Variants in BIRC6 observed in about 807,000 individuals in gnomAD.
BIRC6 encodes the protein baculoviral IAP repeat containing 6.
BIRC6 carries 98 observed loss-of-function variants against 503.3 expected under a neutral mutation model. That is an observed-to-expected ratio of 0.19 (90% CI 0.17 to 0.23). The LOEUF is 0.23. Among genes scored for constraint, BIRC6 ranks in the 10% least tolerant of loss-of-function variants. The pLI is 1.00. For missense variants in BIRC6, 5,360 were observed against 5,806.0 expected (o/e 0.92, Z 2.50); for synonymous variants, 2,240 against 2,078.7 (o/e 1.08, Z -2.11).
At chr2:32,472,260 G>C (rs1037259382) in intron 32 of BIRC6, among the ~76,000 whole-genome samples, 1 of 152,116 alleles carries the variant, frequency 6.6e-6, no homozygotes, top group Non-Finnish European at 1.5e-5. Context: ...GTAGGGACGA[G>C]GTTTCACCAT....
At chr2:32,604,856 T>A (rs1309716042) in intron 71 of BIRC6, among the ~76,000 whole-genome samples, 1 of 151,050 alleles carries the variant, frequency 6.6e-6, no homozygotes, top group Non-Finnish European at 1.5e-5. Context: ...ATGCAATAGT[T>A]ATTTTTTTCT....
Position 32,545,692 on chromosome 2 carries a change from C to G in BIRC6, c.12642C>G (p.Phe4214Leu). The change falls in exon 63 of 74, where the codon TTC (phenylalanine) becomes TTG (leucine). Residue 4214 changes from phenylalanine to leucine, a missense_variant. This residue lies in a region of BIRC6 where 477 missense variants were observed against 574.4 expected (regional missense o/e 0.83). Transcript: ENST00000421745. ...PSANVLPTLP[F>L]HVLRSLFSTT... ...CCAATGTGCTTCCAACCCTTCCTTTCCACGTCCTTCGTAGCTTGTTTAGCA... is the reference window on the plus strand; with the variant it reads ...CCAATGTGCTTCCAACCCTTCCTTTGCACGTCCTTCGTAGCTTGTTTAGCA... 2 of 1,613,920 alleles carry G rather than the reference C, an allele frequency of 1.2e-6. No individual in the cohort carries two copies. The highest frequency in any genetic ancestry group is 1.7e-6 in the Non-Finnish European group (2 of 1,179,838).
At chr2:32,540,875 G>A (rs540503051) in intron 61 of BIRC6, among the ~76,000 whole-genome samples, 1 of 152,066 alleles carries the variant, frequency 6.6e-6, no homozygotes, top group South Asian at 2.1e-4. Context: ...GAAAAAAGTT[G>A]TGAAGAATTG....
chr2:32,381,893 C>T (rs2037715448), intron 3 of BIRC6, among the ~76,000 whole-genome samples: 1 of 152,012 alleles, frequency 6.6e-6, no homozygotes, highest in South Asian at 2.1e-4. Context: ...TTCTCATATC[C>T]TCAGAGATCA....
chr2:32,516,973 T>A (rs138089095), intron 55 of BIRC6, among the ~76,000 whole-genome samples: 1 of 152,148 alleles, frequency 6.6e-6, no homozygotes, highest in African/African-American at 2.4e-5. Flanking sequence ...AGTCAAACTT[T>A]AGTAGTACCT....
intron 68 of BIRC6, among the ~76,000 whole-genome samples, chr2:32,595,565 C>G (rs991254170): frequency 1.1e-4 from 17 of 152,176 alleles, no homozygotes; most frequent in African/African-American, 3.9e-4. Flanking sequence ...TAGCTTTTCC[C>G]ATTCCAAAAC....
intron 65 of BIRC6, among the ~76,000 whole-genome samples, chr2:32,561,619 TTTAGTTGTAAATTATA>T (rs1473525629): frequency 1.3e-5 from 2 of 151,858 alleles, no homozygotes; most frequent in African/African-American, 4.8e-5. Context: ...TTGATTTTTT[TTTAGTTGTAAATTATA>T]TTCAAGGTTT....
chr2:32,579,784 A>T (rs377562210), intron 66 of BIRC6, among the ~76,000 whole-genome samples: 20 of 152,268 alleles, frequency 1.3e-4, no homozygotes, highest in African/African-American at 4.6e-4. Flanking sequence ...ATTCATGATT[A>T]TAAGAAATTC....
At chr2:32,555,046 T>G (rs946642432) in intron 65 of BIRC6, among the ~76,000 whole-genome samples, 1 of 152,160 alleles carries the variant, frequency 6.6e-6, no homozygotes, top group Non-Finnish European at 1.5e-5. Context: ...ACATAATTTT[T>G]ATTATTTATA....
intron 1 of BIRC6, among the ~76,000 whole-genome samples, chr2:32,367,963 G>A (rs2035212164): frequency 6.6e-6 from 1 of 152,178 alleles, no homozygotes; most frequent in Admixed American, 6.5e-5. Flanking sequence ...TCTTCTTCAA[G>A]ATTTATTGTG....
At chr2:32,482,326 G>C (rs750900469) in intron 38 of BIRC6, 103 bp from the exon 39 acceptor site, 14 of 1,124,220 alleles carry the variant, frequency 1.2e-5, no homozygotes, top group Non-Finnish European at 1.8e-5. Context: ...AGGGTGGATA[G>C]AATATTTATT....
In BIRC6 at chr2:32,465,666, C is replaced by G. The variant is rs193011280; in HGVS notation, c.5356+502C>G. Among the ~76,000 whole-genome samples the G allele has an allele frequency of 2.9e-3, 439 of 152,228 alleles. 2 individuals carry two copies. Among genetic ancestry groups the G allele is most frequent in the African/African-American group, 0.01 (429 of 41,534 alleles). ...TTGGGATAGATGCTTTCAATCACAA[C>G]ATATTTGTGAATAAACTCTAGGCAA... On this transcript the variant is annotated intron_variant, in intron 26 of 73. Coordinates refer to ENST00000421745, the MANE Select transcript of BIRC6 (RefSeq NM_016252.4).
intron 37 of BIRC6, 62 bp downstream of exon 37, chr2:32,479,679 G>T: frequency 7.5e-7 from 1 of 1,335,510 alleles, no homozygotes; most frequent in South Asian, 1.5e-5. Flanking sequence ...TCAAAATAAA[G>T]AATGTTAGAG....
intron 3 of BIRC6, among the ~76,000 whole-genome samples, chr2:32,382,846 C>T (rs2037877774): frequency 6.6e-6 from 1 of 151,796 alleles, no homozygotes; most frequent in Admixed American, 6.6e-5. Flanking sequence ...GCCTCAGCCT[C>T]CTGAGTAGCT....
intron 9 of BIRC6, among the ~76,000 whole-genome samples, chr2:32,410,578 A>G (rs2041749780): frequency 6.6e-6 from 1 of 152,188 alleles, no homozygotes; most frequent in Non-Finnish European, 1.5e-5. Context: ...GAAATTCTAG[A>G]TATGCCAGTG....
chr2:32,395,511 C>T lies in BIRC6; in HGVS notation c.952C>T (p.Pro318Ser), dbSNP rs367862570. 6.2e-7 allele frequency: 1 copy of T among 1,602,992 alleles called. No individual in the cohort carries two copies. Among genetic ancestry groups the T allele is most frequent in the Non-Finnish European group, 8.5e-7 (1 of 1,172,350 alleles). The change falls in exon 6 of 74, where the codon CCT becomes TCT. Residue 318 changes from proline to serine, a missense_variant and splice_region_variant. By Grantham distance (74) the Pro-to-Ser change is moderately conservative (BLOSUM62 -1). This residue lies in a region of BIRC6 where 92 missense variants were observed against 176.7 expected (regional missense o/e 0.52). Coordinates refer to ENST00000421745, the MANE Select transcript of BIRC6 (RefSeq NM_016252.4). ...GTCTCTTTTCTTTATAATTTTGCAGCCTGCCTCATCTGGAGATGATAGAGC... is the reference window on the plus strand; with the variant it reads ...GTCTCTTTTCTTTATAATTTTGCAGTCTGCCTCATCTGGAGATGATAGAGC... ...PMAQAGFYHQ[P>S]ASSGDDRAMC... is the part of the protein sequence containing the mutation.
intron 21 of BIRC6, among the ~76,000 whole-genome samples, chr2:32,447,340 C>T (rs1439415972): frequency 4.0e-5 from 6 of 149,474 alleles, no homozygotes; most frequent in South Asian, 2.1e-4. Flanking sequence ...CGGGCAGAAG[C>T]GCCCCTCACC....
In BIRC6 at chr2:32,508,021, G is replaced by A; in HGVS notation, c.9742G>A (p.Val3248Ile). 1 of 1,613,876 alleles carries A rather than the reference G, an allele frequency of 6.2e-7. No homozygotes were observed. The highest frequency in any genetic ancestry group is 8.5e-7 in the Non-Finnish European group (1 of 1,179,852). Residue 3248 changes from valine to isoleucine, a missense_variant, in exon 51 of 74, where the codon GTA becomes ATA. Val to Ile is a conservative substitution (Grantham distance 29). Around this residue, in one of 16 missense-constraint regions of BIRC6, gnomAD observed 267 missense variants for 287.6 expected, o/e 0.93. Coordinates refer to ENST00000421745, the MANE Select transcript of BIRC6 (RefSeq NM_016252.4). The stretch of plus-strand genomic sequence containing the variant: ...GTCTGTTGAAGTAAGTGCAGATGGG[G>A]TAAATATGCTACCTTTGTCCACTCC... The part of the protein sequence containing the change: ...SVSVEVSADG[V>I]NMLPLSTPVV...
Position 32,464,586 on chromosome 2 carries a change from C to G in BIRC6, c.5019C>G (p.His1673Gln). 6.2e-7 allele frequency: 1 copy of G among 1,612,310 alleles called. No homozygotes were observed. The highest frequency in any genetic ancestry group is 8.5e-7 in the Non-Finnish European group (1 of 1,178,914). Reference protein sequence around the residue: ...AAAASAVGPVHNSVPSNPVAA... With the variant: ...AAAASAVGPVQNSVPSNPVAA... ...CAGCATCAGCAGTAGGTCCTGTTCA[C>G]AACTCTGTGCCTTCCAACCCAGTGG... is the stretch of plus-strand genomic sequence containing the variant. The change falls in exon 25 of 74, where the codon CAC becomes CAG. Residue 1673 changes from histidine to glutamine, a missense_variant. This residue lies in a region of BIRC6 where 2,299 missense variants were observed against 2,267.2 expected (regional missense o/e 1.01). Transcript: ENST00000421745.
Sources: allele counts gnomAD v4.1 joint callset (sites outside exome capture counted in the v4.1 genomes callset), GRCh38; gene constraint gnomAD v4.1.1; regional missense constraint gnomAD v4.1.1; transcripts MANE v1.5; gene names NCBI Gene and HGNC (gene_info 2026-07-23, HGNC 2026-07-21).